CCBE1: variants seen among roughly 807,000 people sequenced by gnomAD.
CCBE1 encodes the protein collagen and calcium binding EGF domains 1.
In CCBE1, 37 loss-of-function variants were observed where a neutral mutation model predicts 50.0. The observed-to-expected ratio is 0.74, with a 90% CI of 0.57 to 0.97. The LOEUF (loss-of-function observed/expected upper bound fraction) is 0.97, where lower values mean the gene tolerates loss of function less well. Among genes scored for constraint, CCBE1 ranks in the 50% least tolerant of loss-of-function variants. The pLI is 0.00. For synonymous variants in CCBE1, 234 were observed against 203.7 expected (o/e 1.15, Z -1.27); for missense variants, 538 against 523.8 (o/e 1.03, Z -0.26).
At chr18:59,490,287 G>A (rs1172441584) in intron 2 of CCBE1, among the ~76,000 whole-genome samples, 2 of 151,886 alleles carry the variant, frequency 1.3e-5, no homozygotes, top group African/African-American at 2.4e-5. Context: ...ACCCAGCCGA[G>A]ATACTTATTT....
intron 2 of CCBE1, among the ~76,000 whole-genome samples, chr18:59,491,846 G>A (rs553447589): frequency 7.0e-5 from 2 of 28,616 alleles, no homozygotes; most frequent in South Asian, 1.8e-3. Flanking sequence ...AAAAAAAAAC[G>A]TTTCATGGTC....
chr18:59,628,883 T>C (rs2053819270), intron 2 of CCBE1, among the ~76,000 whole-genome samples: 1 of 152,166 alleles, frequency 6.6e-6, no homozygotes, highest in African/African-American at 2.4e-5. Context: ...AATTAGCAAG[T>C]CCTATTAGTA....
intron 2 of CCBE1, among the ~76,000 whole-genome samples, chr18:59,512,946 G>GA (rs1914197118): frequency 2.0e-5 from 3 of 152,228 alleles, no homozygotes; most frequent in South Asian, 4.1e-4. Context: ...CGACAGGAGG[G>GA]AAAAAAGAAA....
chr18:59,670,635 G>A (rs2054418444), intron 2 of CCBE1, among the ~76,000 whole-genome samples: 1 of 152,136 alleles, frequency 6.6e-6, no homozygotes, highest in Non-Finnish European at 1.5e-5. Context: ...CTTACACCAA[G>A]GAATCCATTA....
At position 59,656,815 on chromosome 18, in the gene CCBE1, G is replaced by T. The variant is rs560266224; in HGVS notation, c.212+39814C>A. Among the ~76,000 whole-genome samples the T allele has an allele frequency of 3.6e-4, 55 of 152,306 alleles. 1 individual carries two copies. In the South Asian group the frequency reaches 5.4e-3, roughly 15 times the overall value. ...TACACTAATATGACCACAACCGTTG[G>T]TTACAGAGTGTAGACAGGGTCAAGA... On this transcript the variant is annotated intron_variant, in intron 2 of 10. Transcript: ENST00000439986.
chr18:59,469,322 T>C lies in CCBE1; in HGVS notation c.400+151A>G, dbSNP rs919114812. 2.7e-6 allele frequency: 3 copies of C among 1,105,930 alleles called. No individual in the cohort carries two copies. The Admixed American group carries it at 5.1e-5, about 19-fold the overall frequency. 68.5% of individuals were successfully genotyped at this position (1,105,930 alleles called of 1,614,324 possible). On this transcript the variant is annotated intron_variant, in intron 4 of 10. Transcript: ENST00000439986. ...CTTGGGCCTAATTGGTTTTAGTAAT[T>C]GTGATGAAGGGCAGTGATAAGCTAT...
chr18:59,538,084 TC>T (rs1278816053), intron 2 of CCBE1, among the ~76,000 whole-genome samples: 21 of 152,248 alleles, frequency 1.4e-4, no homozygotes, highest in African/African-American at 5.1e-4. Context: ...ACTAAATACG[TC>T]CAATAAGATA....
intron 2 of CCBE1, among the ~76,000 whole-genome samples, chr18:59,641,288 G>GATA (rs2053986315): frequency 6.8e-6 from 1 of 147,418 alleles, no homozygotes; most frequent in Non-Finnish European, 1.5e-5. Context: ...TAAAAAAGAA[G>GATA]ATCATGTCCT....
chr18:59,618,720 AC>A (rs1321433334), intron 2 of CCBE1, among the ~76,000 whole-genome samples: 1 of 152,028 alleles, frequency 6.6e-6, no homozygotes, highest in East Asian at 1.9e-4. Flanking sequence ...GAGCCACCAC[AC>A]CCGGCCTAGA....
intron 2 of CCBE1, among the ~76,000 whole-genome samples, chr18:59,672,822 C>A (rs2054452148): frequency 6.6e-6 from 1 of 152,084 alleles, no homozygotes; most frequent in African/African-American, 2.4e-5. Context: ...TATGAGGATG[C>A]AAAGGCATAA....
chr18:59,475,993 C>T (rs893777795), intron 3 of CCBE1, among the ~76,000 whole-genome samples: 1 of 152,228 alleles, frequency 6.6e-6, no homozygotes, highest in Non-Finnish European at 1.5e-5. Context: ...GTTGGGATTA[C>T]AGGCGTGAGC....
At chr18:59,531,564 A>G (rs1915051042) in intron 2 of CCBE1, among the ~76,000 whole-genome samples, 1 of 152,146 alleles carries the variant, frequency 6.6e-6, no homozygotes, top group South Asian at 2.1e-4. Flanking sequence ...CCTGGGCAAC[A>G]CAGCGAGATC....
At chr18:59,514,260 G>A (rs969717504) in intron 2 of CCBE1, among the ~76,000 whole-genome samples, 3 of 152,094 alleles carry the variant, frequency 2.0e-5, no homozygotes, top group Non-Finnish European at 2.9e-5. Flanking sequence ...ATCTTTTACC[G>A]TATCCAATAC....
intron 2 of CCBE1, chr18:59,563,628 A>G (rs1027729317): frequency 2.0e-5 from 3 of 152,238 alleles, no homozygotes; most frequent in African/African-American, 4.8e-5. Context: ...CACCAGGGCT[A>G]TGATTCCAGT....
intron 2 of CCBE1, among the ~76,000 whole-genome samples, chr18:59,613,751 G>T (rs2053600788): frequency 6.6e-6 from 1 of 150,594 alleles, no homozygotes; most frequent in African/African-American, 2.4e-5. Flanking sequence ...AAAAAAATTA[G>T]AAGATATCAA....
chr18:59,465,820 T>C (rs1344157136), intron 5 of CCBE1: 3 of 152,214 alleles, frequency 2.0e-5, no homozygotes, highest in Non-Finnish European at 4.4e-5. Flanking sequence ...ACACAGCGTT[T>C]CTGACCTCTT....
intron 2 of CCBE1, among the ~76,000 whole-genome samples, chr18:59,550,434 G>A (rs1915870072): frequency 6.6e-6 from 1 of 152,120 alleles, no homozygotes; most frequent in Non-Finnish European, 1.5e-5. Flanking sequence ...CCTAACTGGT[G>A]GCGTCGCTGC....
chr18:59,667,998 G>A (rs2054378805), intron 2 of CCBE1, among the ~76,000 whole-genome samples: 1 of 152,100 alleles, frequency 6.6e-6, no homozygotes, highest in Non-Finnish European at 1.5e-5. Context: ...CTAGGGGAGG[G>A]ATAGTATTAG....
intron 2 of CCBE1, among the ~76,000 whole-genome samples, chr18:59,589,147 G>A (rs74526530): frequency 0.069 from 10,480 of 152,160 alleles, 1,087 homozygotes; most frequent in African/African-American, 0.22. Flanking sequence ...AAGGGAGAGT[G>A]AATCTCTTTC....
Sources: gnomAD v4.1 joint callset for allele counts (sites outside exome capture counted in the v4.1 genomes callset) on GRCh38, gnomAD v4.1.1 for gene constraint, MANE v1.5 for transcripts, NCBI Gene and HGNC (gene_info 2026-07-23, HGNC 2026-07-21) for gene names.